HEATR4: variants seen among roughly 807,000 people sequenced by gnomAD.
HEATR4 encodes HEAT repeat-containing protein 4.
HEATR4 carries 95 observed loss-of-function variants against 108.8 expected under a neutral mutation model. That is an observed-to-expected ratio of 0.87 (90% CI 0.74 to 1.04). HEATR4 has a LOEUF of 1.04. Among genes scored for constraint, HEATR4 ranks in the 50% least tolerant of loss-of-function variants. The pLI is 0.00. For missense variants in HEATR4, 1,152 were observed against 1,253.8 expected (o/e 0.92, Z 1.23); for synonymous variants, 443 against 459.4 (o/e 0.96, Z 0.46).
At chr14:73,574,829 C>T in the HEATR4 span, 1 of 1,605,868 alleles carries the variant, frequency 6.2e-7, no homozygotes, top group Non-Finnish European at 8.5e-7. Flanking sequence ...GTTCAACTAA[C>T]TTCCAGGGTG....
At chr14:73,571,939 T>A in the HEATR4 span, among the ~76,000 whole-genome samples, 1 of 151,676 alleles carries the variant, frequency 6.6e-6, no homozygotes, top group Admixed American at 6.6e-5. Context: ...TTATCCTTAT[T>A]AATAATCAAA....
upstream of HEATR4, among the ~76,000 whole-genome samples, chr14:73,561,703 G>C (rs1889533179): frequency 6.6e-6 from 1 of 152,010 alleles, no homozygotes; most frequent in African/African-American, 2.4e-5. Flanking sequence ...GAATGAAATG[G>C]CTGTGTGAGG....
Position 73,500,841 on chromosome 14 carries a change from C to T in HEATR4, c.2106-111G>A, listed in dbSNP as rs996229364. 6 of 938,402 alleles carry T rather than the reference C, an allele frequency of 6.4e-6. No individual in the cohort carries two copies. The African/African-American group carries it at 6.6e-5, about 10-fold the overall frequency. 58.1% of individuals were successfully genotyped at this position (938,402 alleles called of 1,614,324 possible). On this transcript the variant is annotated intron_variant, in intron 11 of 17. Coordinates refer to ENST00000553558, the MANE Select transcript of HEATR4 (RefSeq NM_001220484.1). ...TCCGGGTTCTGTAGGCTGTCAATCCCATTCAGCCTTATGCTCATGAGATAA... is the reference window on the plus strand; with the variant it reads ...TCCGGGTTCTGTAGGCTGTCAATCCTATTCAGCCTTATGCTCATGAGATAA...
At chr14:73,584,101 C>T in the HEATR4 span, among the ~76,000 whole-genome samples, 1 of 151,816 alleles carries the variant, frequency 6.6e-6, no homozygotes, top group Non-Finnish European at 1.5e-5. Flanking sequence ...ACTTCCTACA[C>T]ACACTGTGCA....
At chr14:73,630,916 C>T in the HEATR4 span, among the ~76,000 whole-genome samples, 8 of 152,118 alleles carry the variant, frequency 5.3e-5, no homozygotes, top group South Asian at 1.7e-3. Context: ...CTCTGAGCCC[C>T]AACAATATTT....
intron 2 of HEATR4, chr14:73,528,880 AAG>A (rs1371324867): frequency 6.6e-6 from 1 of 152,200 alleles, no homozygotes; most frequent in Non-Finnish European, 1.5e-5. Flanking sequence ...CAGCAATTAA[AAG>A]AGAGGGTGCT....
chr14:73,509,050 A>G (rs928402154), intron 8 of HEATR4, among the ~76,000 whole-genome samples: 4 of 152,068 alleles, frequency 2.6e-5, no homozygotes, highest in Admixed American at 1.3e-4. Flanking sequence ...AATTTTTTAT[A>G]GAGATGGGGT....
At chr14:73,628,506 C>G in the HEATR4 span, among the ~76,000 whole-genome samples, 6 of 152,220 alleles carry the variant, frequency 3.9e-5, no homozygotes, top group South Asian at 2.1e-4. Flanking sequence ...GTAATCCCAG[C>G]ACTTTGGGAG....
intron 7 of HEATR4, among the ~76,000 whole-genome samples, chr14:73,510,365 G>A (rs917161263): frequency 6.6e-6 from 1 of 151,990 alleles, no homozygotes; most frequent in Admixed American, 6.6e-5. Context: ...GAAGAATATG[G>A]GACAGGAGCA....
chr14:73,491,171 G>T (rs751315976), intron 17 of HEATR4: 73 of 1,602,222 alleles, frequency 4.6e-5, no homozygotes, highest in Non-Finnish European at 5.9e-5. Flanking sequence ...CCGCATGGCA[G>T]CGCTGAGGAC....
upstream of HEATR4, among the ~76,000 whole-genome samples, chr14:73,563,643 A>G (rs1233808316): frequency 6.6e-6 from 1 of 151,746 alleles, no homozygotes; most frequent in African/African-American, 2.4e-5. Flanking sequence ...TAATGTACTT[A>G]ATATCATTGA....
At chr14:73,625,164 T>C in the HEATR4 span, among the ~76,000 whole-genome samples, 2 of 151,990 alleles carry the variant, frequency 1.3e-5, no homozygotes, top group African/African-American at 2.4e-5. Context: ...ATTCAAGCGA[T>C]TCTCCTGCCT....
At chr14:73,503,142 C>T (rs1886585053) in intron 10 of HEATR4, 129 bp from the exon 11 acceptor site, 2 of 711,962 alleles carry the variant, frequency 2.8e-6, no homozygotes, top group South Asian at 1.7e-5. Flanking sequence ...GTGTTTTTTC[C>T]CATCGCTTAC....
chr14:73,570,516 C>T, the HEATR4 span, among the ~76,000 whole-genome samples: 2 of 151,920 alleles, frequency 1.3e-5, no homozygotes, highest in African/African-American at 4.8e-5. Context: ...TTGTAGTGAG[C>T]TGAGATCGCG....
At chr14:73,496,703 AGATTAT>A in intron 14 of HEATR4, 24 bp from the exon 15 acceptor site, 2 of 1,278,050 alleles carry the variant, frequency 1.6e-6, no homozygotes, top group Non-Finnish European at 2.3e-6. Flanking sequence ...AGGGCTTCTT[AGATTAT>A]TCTACCCTGC....
intron 1 of HEATR4, among the ~76,000 whole-genome samples, chr14:73,547,411 G>A (rs1220896801): frequency 8.7e-6 from 1 of 114,614 alleles, no homozygotes; most frequent in Non-Finnish European, 1.9e-5. Flanking sequence ...GTCTCCCTAT[G>A]TTGCCCATGC....
chr14:73,480,822 G>C (rs1463264592), intron 17 of HEATR4: 1 of 152,106 alleles, frequency 6.6e-6, no homozygotes, highest in East Asian at 1.9e-4. Flanking sequence ...TTCGAGACCA[G>C]CCTGACTAAC....
At chr14:73,622,043 G>A in the HEATR4 span, among the ~76,000 whole-genome samples, 1 of 151,666 alleles carries the variant, frequency 6.6e-6, no homozygotes, top group Non-Finnish European at 1.5e-5. Flanking sequence ...GATTACAGGC[G>A]TGAATCACTG....
chr14:73,610,706 C>T, the HEATR4 span, among the ~76,000 whole-genome samples: 2 of 152,150 alleles, frequency 1.3e-5, no homozygotes. Context: ...GGATGGACTG[C>T]AGGGCAGTTC....
Sources: gnomAD v4.1 joint callset for allele counts (sites outside exome capture counted in the v4.1 genomes callset) on GRCh38, gnomAD v4.1.1 for gene constraint, MANE v1.5 for transcripts, NCBI Gene and HGNC (gene_info 2026-07-23, HGNC 2026-07-21) for gene names.